The following SCNN1G variants were observed in gnomAD, a reference collection of about 807,000 sequenced individuals.
SCNN1G encodes the protein sodium channel epithelial 1 subunit gamma.
In SCNN1G, 27 loss-of-function variants were observed where a neutral mutation model predicts 64.6. The ratio of observed to expected loss-of-function variants is 0.42; its 90% CI spans 0.31 to 0.58. The LOEUF is 0.58. Among genes scored for constraint, SCNN1G ranks in the 20% least tolerant of loss-of-function variants. The pLI is 0.18. For missense variants in SCNN1G, 743 were observed against 823.4 expected (o/e 0.90, Z 1.19); for synonymous variants, 330 against 314.2 (o/e 1.05, Z -0.53).
intron 6 of SCNN1G, among the ~76,000 whole-genome samples, chr16:23,203,899 C>T (rs947668296): frequency 2.0e-5 from 3 of 150,530 alleles, no homozygotes; most frequent in South Asian, 2.1e-4. Flanking sequence ...ATAATAATGA[C>T]GTTACTTCAT....
At chr16:23,198,279 GC>G (rs894661924) in intron 6 of SCNN1G, among the ~76,000 whole-genome samples, 8 of 152,200 alleles carry the variant, frequency 5.3e-5, no homozygotes, top group Non-Finnish European at 7.3e-5. Context: ...CCCCGAGTCA[GC>G]CTTGCCCAAT....
intron 6 of SCNN1G, among the ~76,000 whole-genome samples, chr16:23,204,304 T>TATATATAC (rs1959942919): frequency 5.5e-5 from 3 of 54,452 alleles, no homozygotes; most frequent in Admixed American, 2.0e-4. Flanking sequence ...TATATATATA[T>TATATATAC]ATATATATAT....
chr16:23,207,189 T>C (rs1960004507), intron 6 of SCNN1G, among the ~76,000 whole-genome samples: 1 of 152,206 alleles, frequency 6.6e-6, no homozygotes, highest in Non-Finnish European at 1.5e-5. Flanking sequence ...GGCCATGGGC[T>C]GGTTTTCAGG....
intron 7 of SCNN1G, among the ~76,000 whole-genome samples, chr16:23,210,996 C>T (rs930849553): frequency 1.3e-5 from 2 of 152,112 alleles, no homozygotes; most frequent in Non-Finnish European, 2.9e-5. Context: ...CATGATCACA[C>T]CACTGTACTT....
intron 5 of SCNN1G, chr16:23,195,012 G>A (rs1276440196): frequency 2.0e-5 from 3 of 152,424 alleles, no homozygotes; most frequent in African/African-American, 7.2e-5. Context: ...GTCCTCAGAT[G>A]GCCTTTCCTC....
chr16:23,205,330 G>T (rs909917524), intron 6 of SCNN1G, among the ~76,000 whole-genome samples: 34 of 152,022 alleles, frequency 2.2e-4, no homozygotes, highest in African/African-American at 8.0e-4. Flanking sequence ...TTACGCCCAC[G>T]GTCAGAGGAG....
At chr16:23,213,006 T>C in intron 10 of SCNN1G, 96 bp from the exon 11 acceptor site, 3 of 1,526,854 alleles carry the variant, frequency 2.0e-6, no homozygotes, top group African/African-American at 1.4e-5. Context: ...AGAATTACCT[T>C]GTGGAGGCTG....
Position 23,215,556 on chromosome 16 carries a change from G to A in SCNN1G, c.*87G>A. On this transcript the variant is annotated 3_prime_UTR_variant, in exon 13 of 13. Transcript: ENST00000300061. The stretch of plus-strand genomic sequence containing the variant: ...GGTGCCCCCAGACGTGTGCACAGGG[G>A]ACCCTCTGCCCCACTCTGGGCTTTT... 15 of 1,492,714 alleles carry A rather than the reference G, an allele frequency of 1.0e-5. No homozygotes were observed. The highest frequency in any genetic ancestry group is 1.4e-5 in the Non-Finnish European group (15 of 1,083,694). 92.5% of individuals were successfully genotyped at this position (1,492,714 alleles called of 1,614,324 possible). A position where few individuals can be genotyped will look rare whatever the true frequency, so the allele number is the denominator to read the frequency against.
At chr16:23,190,900 G>C (rs924814680) in intron 3 of SCNN1G, among the ~76,000 whole-genome samples, 2 of 130,324 alleles carry the variant, frequency 1.5e-5, no homozygotes, top group East Asian at 5.0e-4. Context: ...CTGGAGTGCA[G>C]TGGTGTGATC....
chr16:23,215,544 G>A lies in SCNN1G; in HGVS notation c.*75G>A, dbSNP rs5725. 92 of 1,552,552 alleles carry A rather than the reference G, an allele frequency of 5.9e-5. No homozygotes were observed. In the African/African-American group the frequency reaches 8.1e-4, roughly 14 times the overall value. On this transcript the variant is annotated 3_prime_UTR_variant, in exon 13 of 13. Transcript: ENST00000300061. Reference sequence around the variant, plus strand: ...GGACATGGATCGGGTGCCCCCAGACGTGTGCACAGGGGACCCTCTGCCCCA... The same window carrying A: ...GGACATGGATCGGGTGCCCCCAGACATGTGCACAGGGGACCCTCTGCCCCA...
chr16:23,197,030 C>T (rs1959806488), intron 5 of SCNN1G, among the ~76,000 whole-genome samples: 1 of 152,198 alleles, frequency 6.6e-6, no homozygotes, highest in Non-Finnish European at 1.5e-5. Context: ...AGAACTGTGA[C>T]AGTAATACTG....
In SCNN1G at chr16:23,215,859, G is replaced by A; in HGVS notation, c.*390G>A. 3.4e-6 allele frequency: 1 copy of A among 297,010 alleles called. No individual in the cohort carries two copies. The highest frequency in any genetic ancestry group is 3.8e-5 in the South Asian group (1 of 26,462). The allele number at this position is 297,010 out of a possible 1,614,324, so 18.4% of individuals were successfully genotyped here. A position where few individuals can be genotyped will look rare whatever the true frequency, so the allele number is the denominator to read the frequency against. ...GCCGAGGGTTTCACCCACACTGCCA[G>A]CCTGGGTTGGGGCCCAAGGATGTGA... On this transcript the variant is annotated 3_prime_UTR_variant, in exon 13 of 13. Coordinates refer to ENST00000300061, the MANE Select transcript of SCNN1G (RefSeq NM_001039.4).
At chr16:23,188,545 A>G (rs528236691) in intron 2 of SCNN1G, among the ~76,000 whole-genome samples, 1 of 152,246 alleles carries the variant, frequency 6.6e-6, no homozygotes, top group South Asian at 2.1e-4. Flanking sequence ...GCATTTAATT[A>G]TCTATATGTA....
chr16:23,213,081 C>G (rs1352426989), intron 10 of SCNN1G, 21 bp from the exon 11 acceptor site: 28 of 1,612,146 alleles, frequency 1.7e-5, no homozygotes, highest in Non-Finnish European at 2.4e-5. Flanking sequence ...CTCAGGCCCA[C>G]GCTTTCTCTC....
chr16:23,202,548 C>A (rs932599454), intron 6 of SCNN1G, among the ~76,000 whole-genome samples: 6 of 152,152 alleles, frequency 3.9e-5, no homozygotes, highest in African/African-American at 1.2e-4. Flanking sequence ...TTTATTTAAG[C>A]TGTGTAGAGA....
At chr16:23,210,249 G>T (rs2055079886) in intron 7 of SCNN1G, among the ~76,000 whole-genome samples, 1 of 152,192 alleles carries the variant, frequency 6.6e-6, no homozygotes, top group Non-Finnish European at 1.5e-5. Flanking sequence ...ACAAGGGGAG[G>T]TGGGATTGGA....
chr16:23,184,787 A>G (rs973966948), intron 1 of SCNN1G, among the ~76,000 whole-genome samples: 1 of 152,156 alleles, frequency 6.6e-6, no homozygotes, highest in Non-Finnish European at 1.5e-5. Context: ...AATACTGCCT[A>G]AAAATCTTGA....
In SCNN1G at chr16:23,186,499, C is replaced by T. The variant is rs1229051780; in HGVS notation, c.228C>T (p.Phe76=). ...TCTGGCAGTGCGCCCTCCTCGTCTT[C>T]TCCTTCTATACTGTCTCAGTTTCCA... ...LILWQCALLV[F]SFYTVSVSIK... is the part of the protein sequence containing the mutation. Residue 76 remains phenylalanine, a synonymous_variant, in exon 2 of 13, where the codon TTC becomes TTT. Coordinates refer to ENST00000300061, the MANE Select transcript of SCNN1G (RefSeq NM_001039.4). The T allele has an allele frequency of 6.2e-7, 1 of 1,614,118 alleles. No homozygotes were observed. The highest frequency in any genetic ancestry group is 8.5e-7 in the Non-Finnish European group (1 of 1,180,038).
At chr16:23,210,753 C>T (rs1044962238) in intron 7 of SCNN1G, among the ~76,000 whole-genome samples, 1 of 152,046 alleles carries the variant, frequency 6.6e-6, no homozygotes, top group Non-Finnish European at 1.5e-5. Flanking sequence ...ACTTTTGGGC[C>T]AGGCATGGTA....
Sources: allele counts gnomAD v4.1 joint callset (sites outside exome capture counted in the v4.1 genomes callset), GRCh38; gene constraint gnomAD v4.1.1; transcripts MANE v1.5; gene names NCBI Gene and HGNC (gene_info 2026-07-23, HGNC 2026-07-21).